Variants in PACRG observed in about 807,000 individuals in gnomAD.
The protein encoded by PACRG is parkin coregulated gene protein.
In PACRG, 29 loss-of-function variants were observed where a neutral mutation model predicts 29.7. The ratio of observed to expected loss-of-function variants is 0.98; its 90% CI spans 0.73 to 1.33. The LOEUF is 1.33. Ranked by LOEUF, PACRG falls within the 40% of genes most tolerant of loss-of-function variation. The probability of loss-of-function intolerance (pLI) is 0.00; values close to 1 mark genes in which losing one functional copy is unlikely to be tolerated. For missense variants in PACRG, 279 were observed against 316.2 expected, an observed-to-expected ratio of 0.88 and a Z score of 0.89; for synonymous variants, 116 against 118.7, an observed-to-expected ratio of 0.98 and a Z score of 0.15.
intron 1 of PACRG, among the ~76,000 whole-genome samples, chr6:162,764,435 A>T (rs1390536317): frequency 6.6e-6 from 1 of 152,180 alleles, no homozygotes; most frequent in Non-Finnish European, 1.5e-5. Flanking sequence ...AATTTAAATG[A>T]TTTATAATGG....
chr6:163,103,806 C>G (rs1194425010), intron 4 of PACRG, among the ~76,000 whole-genome samples: 3 of 152,132 alleles, frequency 2.0e-5, no homozygotes, highest in African/African-American at 7.2e-5. Flanking sequence ...TAGCGCAGCT[C>G]GACACTGTAT....
intron 4 of PACRG, among the ~76,000 whole-genome samples, chr6:163,177,577 G>T (rs1011676283): frequency 2.0e-5 from 3 of 152,106 alleles, no homozygotes; most frequent in African/African-American, 7.2e-5. Flanking sequence ...ACAGGAGGCT[G>T]CGGGGACAGA....
intron 4 of PACRG, among the ~76,000 whole-genome samples, chr6:163,276,811 C>G (rs1424594169): frequency 6.6e-6 from 1 of 152,174 alleles, no homozygotes; most frequent in Admixed American, 6.5e-5. Flanking sequence ...GACAATGACT[C>G]TGCTGGTGCC....
intron 2 of PACRG, among the ~76,000 whole-genome samples, chr6:162,897,413 T>G (rs930709714): frequency 6.6e-6 from 1 of 152,222 alleles, no homozygotes; most frequent in Non-Finnish European, 1.5e-5. Context: ...ATCAAGTACC[T>G]GTGCCTGATG....
Position 162,752,367 on chromosome 6 carries a change from CA to C in PACRG, c.156+23977del, listed in dbSNP as rs66492467. ...AAACCAGGAAGAGGAAAATGACCCT[CA>C]GTAGAGGCAAGAGTTGGGGGAGTTA... On this transcript the variant is annotated intron_variant, in intron 1 of 4. Coordinates refer to ENST00000366888, the MANE Select transcript of PACRG (RefSeq NM_001080379.2). Among the ~76,000 whole-genome samples, 1,276 of 152,228 alleles carry C rather than the reference CA, an allele frequency of 8.4e-3. 19 individuals are homozygous for C. Among genetic ancestry groups the C allele is most frequent in the African/African-American group, 0.029 (1,211 of 41,538 alleles).
intron 4 of PACRG, among the ~76,000 whole-genome samples, chr6:163,093,581 G>T (rs1814309795): frequency 6.6e-6 from 1 of 152,308 alleles, no homozygotes; most frequent in South Asian, 2.1e-4. Context: ...TCCGCCAGCA[G>T]ATTAGGGCTC....
At chr6:163,033,453 G>A (rs1807856901) in intron 2 of PACRG, among the ~76,000 whole-genome samples, 2 of 152,244 alleles carry the variant, frequency 1.3e-5, no homozygotes, top group South Asian at 2.1e-4. Context: ...GCATAATGTA[G>A]ACCAAATATT....
At position 163,062,316 on chromosome 6, in the gene PACRG, T is replaced by A. The variant is rs1027166563; in HGVS notation, c.458T>A (p.Ile153Lys). 6.2e-7 allele frequency: 1 copy of A among 1,607,950 alleles called. No individual in the cohort carries two copies. Residue 153 changes from isoleucine to lysine, a missense_variant, in exon 3 of 5, where the codon ATA becomes AAA. Ile to Lys is a moderately radical substitution (Grantham distance 102). Coordinates refer to ENST00000366888, the MANE Select transcript of PACRG (RefSeq NM_001080379.2). ...GTCCTTCCACAGCTCATTATCCCGATAAAAAGTAAGTGAACCGGTGAAAAA... is the reference window on the plus strand; with the variant it reads ...GTCCTTCCACAGCTCATTATCCCGAAAAAAAGTAAGTGAACCGGTGAAAAA... ...LPVLPQLIIP[I>K]KNALNLRNRQ... is the part of the protein sequence containing the mutation.
chr6:163,267,458 C>T (rs541945855), intron 4 of PACRG, among the ~76,000 whole-genome samples: 7 of 152,284 alleles, frequency 4.6e-5, no homozygotes, highest in Admixed American at 3.9e-4. Context: ...CAGTCATATC[C>T]AGTGGGACCA....
intron 1 of PACRG, among the ~76,000 whole-genome samples, chr6:162,765,331 A>T (rs969622073): frequency 1.3e-5 from 2 of 151,962 alleles, no homozygotes; most frequent in Non-Finnish European, 2.9e-5. Flanking sequence ...CCTTGAAAAC[A>T]TTTTACTCTA....
intron 2 of PACRG, among the ~76,000 whole-genome samples, chr6:162,966,701 C>T (rs1388224981): frequency 1.3e-5 from 2 of 152,210 alleles, no homozygotes; most frequent in East Asian, 1.9e-4. Context: ...TGGTCTCGAT[C>T]TCCTGACCTC....
chr6:162,787,467 A>G (rs569152068), intron 1 of PACRG, among the ~76,000 whole-genome samples: 2 of 150,188 alleles, frequency 1.3e-5, no homozygotes, highest in South Asian at 4.2e-4. Context: ...TCTATTATGT[A>G]TATAGTTATA....
At chr6:163,314,279 C>T (rs1785558238) in intron 4 of PACRG, among the ~76,000 whole-genome samples, 1 of 152,198 alleles carries the variant, frequency 6.6e-6, no homozygotes, top group Non-Finnish European at 1.5e-5. Context: ...GAAGCAGCTT[C>T]CTCCTGTCCC....
intron 4 of PACRG, among the ~76,000 whole-genome samples, chr6:163,135,515 G>C (rs1480447248): frequency 1.3e-5 from 2 of 152,212 alleles, no homozygotes; most frequent in African/African-American, 4.8e-5. Flanking sequence ...TAACTAACTA[G>C]TGTAATTGCA....
chr6:162,819,612 T>C (rs1326909748), intron 2 of PACRG, among the ~76,000 whole-genome samples: 2 of 152,156 alleles, frequency 1.3e-5, no homozygotes, highest in African/African-American at 2.4e-5. Flanking sequence ...GTATTTCTGG[T>C]TTATTCACTC....
chr6:163,026,948 C>A (rs1189523536), intron 2 of PACRG, among the ~76,000 whole-genome samples: 1 of 152,170 alleles, frequency 6.6e-6, no homozygotes, highest in Admixed American at 6.5e-5. Context: ...AGCCCTGGGG[C>A]AGCCAGGTTA....
chr6:163,295,802 G>A (rs377342259), intron 4 of PACRG, among the ~76,000 whole-genome samples: 1 of 152,094 alleles, frequency 6.6e-6, no homozygotes, highest in African/African-American at 2.4e-5. Flanking sequence ...AGGAATATTC[G>A]AGAGTTTTTC....
chr6:163,160,573 C>A (rs1778515702), intron 4 of PACRG, among the ~76,000 whole-genome samples: 1 of 152,180 alleles, frequency 6.6e-6, no homozygotes, highest in African/African-American at 2.4e-5. Flanking sequence ...AATGGCATAC[C>A]TTTTATACCA....
chr6:163,124,368 T>A (rs1168133793), intron 4 of PACRG, among the ~76,000 whole-genome samples: 1 of 152,114 alleles, frequency 6.6e-6, no homozygotes, highest in African/African-American at 2.4e-5. Context: ...TTTTTTTAAA[T>A]TAGGAAAATA....
Sources: gnomAD v4.1 joint callset for allele counts (sites outside exome capture counted in the v4.1 genomes callset) on GRCh38, gnomAD v4.1.1 for gene constraint, MANE v1.5 for transcripts, NCBI Gene and HGNC (gene_info 2026-07-23, HGNC 2026-07-21) for gene names.